SLC9C1: variants seen among roughly 807,000 people sequenced by gnomAD.
SLC9C1 encodes the protein sodium/hydrogen exchanger 10.
Under a neutral mutation model 140.9 loss-of-function variants are expected in SLC9C1, and 97 were observed. The ratio of observed to expected loss-of-function variants is 0.69; its 90% CI spans 0.58 to 0.82. The LOEUF (loss-of-function observed/expected upper bound fraction) is 0.82, where lower values mean the gene tolerates loss of function less well. Among genes scored for constraint, SLC9C1 ranks in the 40% least tolerant of loss-of-function variants. The pLI, the probability that SLC9C1 is intolerant of heterozygous loss-of-function variation, is 0.00. For synonymous variants in SLC9C1, 440 were observed against 442.6 expected (o/e 0.99, Z 0.07); for missense variants, 1,340 against 1,389.3 (o/e 0.96, Z 0.56).
intron 22 of SLC9C1, 34 bp downstream of exon 22, chr3:112,180,530 A>G: frequency 3.2e-6 from 5 of 1,564,338 alleles, no homozygotes; most frequent in Non-Finnish European, 3.5e-6. Flanking sequence ...TCTCAAAACA[A>G]AAAAACAAAA....
chr3:112,252,921 T>C (rs533733772), intron 10 of SLC9C1, among the ~76,000 whole-genome samples: 1 of 152,126 alleles, frequency 6.6e-6, no homozygotes. Flanking sequence ...TGTACCTCCC[T>C]GGGTTGGAGT....
chr3:112,159,029 C>G (rs2075210126), intron 26 of SLC9C1, among the ~76,000 whole-genome samples: 1 of 151,228 alleles, frequency 6.6e-6, no homozygotes, highest in African/African-American at 2.4e-5. Context: ...TATTTATTCT[C>G]TTCTACTAAT....
chr3:112,268,569 A>T (rs960233558), intron 7 of SLC9C1, among the ~76,000 whole-genome samples: 1 of 152,212 alleles, frequency 6.6e-6, no homozygotes, highest in Non-Finnish European at 1.5e-5. Flanking sequence ...CTGGCTGATA[A>T]AAATACCGTC....
chr3:112,220,424 A>G (rs1052148656), intron 14 of SLC9C1, among the ~76,000 whole-genome samples: 5 of 152,184 alleles, frequency 3.3e-5, no homozygotes, highest in Non-Finnish European at 5.9e-5. Context: ...GAGATGATGG[A>G]CCAGGACTAG....
intron 23 of SLC9C1, among the ~76,000 whole-genome samples, chr3:112,174,171 A>T (rs1245219662): frequency 6.6e-6 from 1 of 152,146 alleles, no homozygotes; most frequent in African/African-American, 2.4e-5. Flanking sequence ...AGTTTCTTAG[A>T]GATTCTGGCT....
At chr3:112,282,686 T>C (rs1559751557) in intron 2 of SLC9C1, among the ~76,000 whole-genome samples, 1 of 152,154 alleles carries the variant, frequency 6.6e-6, no homozygotes, top group Non-Finnish European at 1.5e-5. Context: ...ACTGCATTGA[T>C]GTGGTTAAAT....
intron 23 of SLC9C1, among the ~76,000 whole-genome samples, chr3:112,177,719 T>C (rs2077365655): frequency 6.9e-6 from 1 of 145,532 alleles, no homozygotes; most frequent in South Asian, 2.2e-4. Context: ...AAAATTTTTT[T>C]TCAAAAAAAA....
At chr3:112,212,893 A>G (rs1199079002) in intron 15 of SLC9C1, among the ~76,000 whole-genome samples, 1 of 152,218 alleles carries the variant, frequency 6.6e-6, no homozygotes, top group Non-Finnish European at 1.5e-5. Context: ...CAACCCCAAG[A>G]CACATAATTG....
chr3:112,280,983 G>T (rs2080342963), intron 2 of SLC9C1, among the ~76,000 whole-genome samples, 200 bp from the exon 3 acceptor site: 1 of 152,140 alleles, frequency 6.6e-6, no homozygotes, highest in Non-Finnish European at 1.5e-5. Context: ...CCTCTCCTAT[G>T]ATGTATCTCA....
At chr3:112,187,029 G>C (rs1402468581) in intron 20 of SLC9C1, among the ~76,000 whole-genome samples, 3 of 152,148 alleles carry the variant, frequency 2.0e-5, no homozygotes, top group Non-Finnish European at 4.4e-5. Flanking sequence ...TGCTTTCTAA[G>C]TTCAAAAGGT....
intron 2 of SLC9C1, among the ~76,000 whole-genome samples, chr3:112,281,365 G>C (rs2080352697): frequency 6.6e-6 from 1 of 152,188 alleles, no homozygotes; most frequent in Admixed American, 6.5e-5. Context: ...GGGTCTCCGG[G>C]TGCAGTCTCT....
At chr3:112,161,629 T>A (rs926293942) in intron 26 of SLC9C1, among the ~76,000 whole-genome samples, 2 of 152,022 alleles carry the variant, frequency 1.3e-5, no homozygotes, top group African/African-American at 4.8e-5. Flanking sequence ...CATTGATCTA[T>A]ATCTCTGTTT....
chr3:112,180,414 T>C (rs891203342), intron 22 of SLC9C1, 150 bp downstream of exon 22: 1 of 513,834 alleles, frequency 1.9e-6, no homozygotes, highest in Non-Finnish European at 3.4e-6. Flanking sequence ...TTCCAGCTAC[T>C]TGGGAGGCTG....
intron 20 of SLC9C1, among the ~76,000 whole-genome samples, chr3:112,195,802 TTGTG>T (rs2077757267): frequency 6.6e-6 from 1 of 152,138 alleles, no homozygotes; most frequent in Non-Finnish European, 1.5e-5. Context: ...TCTTTATACA[TTGTG>T]TGTCCAAAAA....
At chr3:112,160,718 C>A (rs369898309) in intron 26 of SLC9C1, among the ~76,000 whole-genome samples, 1 of 150,820 alleles carries the variant, frequency 6.6e-6, no homozygotes, top group Admixed American at 6.6e-5. Flanking sequence ...TGAATAATGC[C>A]GCAATAAACA....
intron 13 of SLC9C1, among the ~76,000 whole-genome samples, chr3:112,221,634 A>G (rs1560087310): frequency 6.6e-6 from 1 of 152,098 alleles, no homozygotes; most frequent in South Asian, 2.1e-4. Flanking sequence ...TTTCCACAAC[A>G]GGGCTCTGCT....
chr3:112,285,208 G>C (rs1028378850), intron 2 of SLC9C1, among the ~76,000 whole-genome samples: 1 of 151,766 alleles, frequency 6.6e-6, no homozygotes, highest in Non-Finnish European at 1.5e-5. Flanking sequence ...GGATGGTCTT[G>C]ATCTCCTGAA....
intron 23 of SLC9C1, among the ~76,000 whole-genome samples, chr3:112,170,586 A>G (rs1359846500): frequency 1.3e-5 from 2 of 152,240 alleles, no homozygotes; most frequent in Non-Finnish European, 2.9e-5. Flanking sequence ...AAAACAAATT[A>G]CTAACAATTA....
intron 26 of SLC9C1, among the ~76,000 whole-genome samples, chr3:112,162,730 C>G (rs369245421): frequency 6.7e-6 from 1 of 149,446 alleles, no homozygotes; most frequent in South Asian, 2.2e-4. Flanking sequence ...GTCTAAAATT[C>G]TCTTTTTTGG....
Sources: gnomAD v4.1 joint callset for allele counts (sites outside exome capture counted in the v4.1 genomes callset) on GRCh38, gnomAD v4.1.1 for gene constraint, MANE v1.5 for transcripts, NCBI Gene and HGNC (gene_info 2026-07-23, HGNC 2026-07-21) for gene names.